MFN2: variants seen among roughly 807,000 people sequenced by gnomAD.
MFN2 encodes the protein mitofusin-2.
A neutral mutation model predicts 87.5 loss-of-function variants in MFN2; 43 were observed. The ratio of observed to expected loss-of-function variants is 0.49; its 90% CI spans 0.38 to 0.63. MFN2 has a LOEUF of 0.63. Among genes scored for constraint, MFN2 ranks in the 30% least tolerant of loss-of-function variants. The probability of loss-of-function intolerance (pLI) is 0.00; values close to 1 mark genes in which losing one functional copy is unlikely to be tolerated. For synonymous variants in MFN2, 337 were observed against 359.9 expected (o/e 0.94, Z 0.72); for missense variants, 743 against 972.8 (o/e 0.76, Z 3.14).
At chr1:12,009,367 T>C (rs1316075305) in intron 17 of MFN2, among the ~76,000 whole-genome samples, 1 of 152,244 alleles carries the variant, frequency 6.6e-6, no homozygotes, top group Non-Finnish European at 1.5e-5. Flanking sequence ...TGCACAGCTC[T>C]GTGCTGTTGC....
In MFN2 at chr1:12,004,847, A is replaced by G; in HGVS notation, c.1415A>G (p.Glu472Gly). The G allele has an allele frequency of 6.2e-7, 1 of 1,613,954 alleles. No individual in the cohort carries two copies. Among genetic ancestry groups the G allele is most frequent in the South Asian group, 1.1e-5 (1 of 91,034 alleles). The change falls in exon 14 of 19, where the codon GAA becomes GGA. Residue 472 changes from glutamate (E) to glycine (G), a missense_variant. Glu to Gly is a moderately conservative substitution (Grantham distance 98). Transcript: ENST00000235329. This position sits in a 1 kb window ranked among gnomAD's most constrained non-coding sequence, Gnocchi z 4.2. Reference sequence around the variant, plus strand: ...CAGGAGCTGCACCGCCACATAGAGGAAGGACTGGGTCGAAACATGTCTGAC... The same window carrying G: ...CAGGAGCTGCACCGCCACATAGAGGGAGGACTGGGTCGAAACATGTCTGAC... ...YKNELHRHIE[E>G]GLGRNMSDRC... is the part of the protein sequence containing the mutation.
rs76020240 is a variant in MFN2 at position 12,011,483 on chromosome 1, C to A, written c.2205-13C>A. ...TCAGCTATCATGGTTACAAAAGAAC[C>A]ATTTCTTTGCAGGAATAAAGCCGGT... On this transcript the variant is annotated splice_polypyrimidine_tract_variant and intron_variant, in intron 18 of 18. Transcript: ENST00000235329. 3,891 of 1,614,036 alleles carry A rather than the reference C, an allele frequency of 2.4e-3. 54 individuals carry two copies. In the African/African-American group the frequency reaches 0.043, roughly 18 times the overall value.
chr1:12,011,021 A>T (rs1639669297), intron 18 of MFN2, among the ~76,000 whole-genome samples: 1 of 150,414 alleles, frequency 6.6e-6, no homozygotes, highest in African/African-American at 2.5e-5. Context: ...TCGACTGCGG[A>T]TGTGCCCCCC....
rs1475014174 is a variant in MFN2, at chr1:11,981,973, G to GGAC, written c.-145_-143dup. The GGAC allele has an allele frequency of 7.1e-6, 1 of 140,470 alleles. No individual in the cohort carries two copies. Among genetic ancestry groups the GGAC allele is most frequent in the Admixed American group, 7.2e-5 (1 of 13,864 alleles). The allele number at this position is 140,470 out of a possible 1,614,324, so 8.7% of individuals were successfully genotyped here. On this transcript the variant is annotated 5_prime_UTR_variant, in exon 2 of 19. Transcript: ENST00000235329. ...CTCCCTTTTCTTTTCTAATAAGTCA[G>GGAC]GACTGGTGGAGTCAACACAGTCAAT... is the stretch of plus-strand genomic sequence containing the variant.
rs1175966522 is a variant in MFN2, at chr1:12,003,644, A to G, written c.1161-348A>G. ...GTGCCATTGCACTCCAGCCTGGGCA[A>G]CAAGAGTGAAACTCCATCTCAAAAA... On this transcript the variant is annotated intron_variant, in intron 11 of 18. Transcript: ENST00000235329. This position sits in a 1 kb window ranked among gnomAD's most constrained non-coding sequence, Gnocchi z 4.1. 6.6e-6 allele frequency among the ~76,000 whole-genome samples: 1 copy of G among 151,762 alleles called. No homozygotes were observed. The highest frequency in any genetic ancestry group is 2.4e-5 in the African/African-American group (1 of 41,180).
Position 12,005,950 on chromosome 1 carries a change from C to T in MFN2, c.1716+19C>T. ...TGACCAGGCAAGCAAAGTTCCTCACCTCAAGGGCATTGTGGGGGGTCAGTC... is the reference window on the plus strand; with the variant it reads ...TGACCAGGCAAGCAAAGTTCCTCACTTCAAGGGCATTGTGGGGGGTCAGTC... On this transcript the variant is annotated intron_variant, in intron 15 of 18. Coordinates refer to ENST00000235329, the MANE Select transcript of MFN2 (RefSeq NM_014874.4). 1 of 1,609,844 alleles carries T rather than the reference C, an allele frequency of 6.2e-7. No individual in the cohort carries two copies. The highest frequency in any genetic ancestry group is 8.5e-7 in the Non-Finnish European group (1 of 1,177,424).
intron 17 of MFN2, 102 bp from the exon 18 acceptor site, chr1:12,009,490 G>A: frequency 6.6e-7 from 1 of 1,526,088 alleles, no homozygotes. Context: ...CTGCTGGCAG[G>A]GATATAGACA....
intron 7 of MFN2, 30 bp from the exon 8 acceptor site, chr1:11,998,958 T>A: frequency 2.5e-6 from 4 of 1,613,340 alleles, no homozygotes. Context: ...GTCAAGCTCC[T>A]GCTCCACCGA....
chr1:12,008,218 C>CA (rs1370205097), intron 17 of MFN2, among the ~76,000 whole-genome samples: 3 of 152,260 alleles, frequency 2.0e-5, no homozygotes, highest in Non-Finnish European at 4.4e-5. Context: ...TTCTATTCGA[C>CA]AAAACCGCCA....
chr1:12,007,271 C>T, intron 17 of MFN2, 22 bp downstream of exon 17: 1 of 1,611,188 alleles, frequency 6.2e-7, no homozygotes, highest in East Asian at 2.2e-5. Flanking sequence ...TGTCGGACCC[C>T]AGCAGGGGAC....
At chr1:12,002,136 A>C in intron 11 of MFN2, 33 bp downstream of exon 11, 1 of 1,612,990 alleles carries the variant, frequency 6.2e-7, no homozygotes, top group South Asian at 1.1e-5. Flanking sequence ...AGGTGGAGAG[A>C]GCTGCCGAGA....
intron 17 of MFN2, among the ~76,000 whole-genome samples, chr1:12,008,884 T>C (rs6686734): frequency 0.71 from 108,129 of 152,094 alleles, 39,454 homozygotes; most frequent in African/African-American, 0.86. Flanking sequence ...TGTAGCGAGC[T>C]GAGATCATGC....
chr1:12,001,878 C>G, intron 10 of MFN2, 42 bp downstream of exon 10: 1 of 1,613,846 alleles, frequency 6.2e-7, no homozygotes, highest in South Asian at 1.1e-5. Context: ...CTGTGCCTCC[C>G]CAGCTCCCAT....
chr1:12,005,561 C>A (rs1639369506), intron 14 of MFN2, 150 bp from the exon 15 acceptor site: 7 of 841,770 alleles, frequency 8.3e-6, no homozygotes. Flanking sequence ...CATGCTCAGT[C>A]TCACGGGCCA....
chr1:12,007,122 G>T lies in MFN2; in HGVS notation c.1942G>T (p.Glu648Ter). Residue 648 changes from glutamate to a stop codon, truncating the protein, a stop_gained, in exon 17 of 19, where the codon GAG becomes TAG. Coordinates refer to ENST00000235329, the MANE Select transcript of MFN2 (RefSeq NM_014874.4). LOFTEE classifies it high-confidence loss of function. Reference sequence around the variant, plus strand: ...GCTCTATGGCCTCCTCTACGTCTATGAGCGTCTGACCTGGACCACCAAGGC... The same window carrying T: ...GCTCTATGGCCTCCTCTACGTCTATTAGCGTCTGACCTGGACCACCAAGGC... ...FGLYGLLYVY[E>*]RLTWTTKAKE... 1 of 1,614,184 alleles carries T rather than the reference G, an allele frequency of 6.2e-7. No homozygotes were observed. The highest frequency in any genetic ancestry group is 8.5e-7 in the Non-Finnish European group (1 of 1,180,038).
intron 18 of MFN2, among the ~76,000 whole-genome samples, chr1:12,010,599 G>T (rs1365804738): frequency 6.6e-6 from 1 of 152,050 alleles, no homozygotes; most frequent in Non-Finnish European, 1.5e-5. Flanking sequence ...GATCTCCATG[G>T]GGTCTCTGTG....
intron 3 of MFN2, among the ~76,000 whole-genome samples, chr1:11,990,842 A>C (rs901742491): frequency 7.9e-5 from 12 of 152,308 alleles, no homozygotes; most frequent in East Asian, 5.8e-4. Context: ...ATATTGATGC[A>C]TCTGGGGCAG....
intron 5 of MFN2, 142 bp from the exon 6 acceptor site, chr1:11,997,155 C>CTG: frequency 7.8e-7 from 1 of 1,276,856 alleles, no homozygotes; most frequent in Non-Finnish European, 1.1e-6. Context: ...CAACTCCCAG[C>CTG]TGTTAACTTT....
intron 16 of MFN2, 89 bp from the exon 17 acceptor site, chr1:12,006,964 G>A (rs1639449858): frequency 3.9e-6 from 6 of 1,521,322 alleles, no homozygotes; most frequent in Admixed American, 1.7e-5. Flanking sequence ...CCTTGGCTGG[G>A]GCCCTTCAGA....
Sources: allele counts gnomAD v4.1 joint callset (sites outside exome capture counted in the v4.1 genomes callset), GRCh38; gene constraint gnomAD v4.1.1; non-coding constraint Gnocchi (gnomAD v3.1); transcripts MANE v1.5; gene names NCBI Gene and HGNC (gene_info 2026-07-23, HGNC 2026-07-21).